HORMAD2: variants seen among roughly 807,000 people sequenced by gnomAD.
HORMAD2 encodes the protein HORMA domain containing 2, also known as HORMA domain-containing protein 2.
A neutral mutation model predicts 38.8 loss-of-function variants in HORMAD2; 45 were observed. The ratio of observed to expected loss-of-function variants is 1.16; its 90% CI spans 0.91 to 1.49. The LOEUF is 1.49. Ranked by LOEUF, HORMAD2 falls within the 40% of genes most tolerant of loss-of-function variation. The probability of loss-of-function intolerance (pLI) is 0.00; values close to 1 mark genes in which losing one functional copy is unlikely to be tolerated. For synonymous variants in HORMAD2, 126 were observed against 122.8 expected (o/e 1.03, Z -0.17); for missense variants, 338 against 367.0 (o/e 0.92, Z 0.65).
At chr22:30,182,896 G>A in the HORMAD2 span, among the ~76,000 whole-genome samples, 1 of 152,112 alleles carries the variant, frequency 6.6e-6, no homozygotes, top group Admixed American at 6.6e-5. Flanking sequence ...AGGAACAAAA[G>A]GATATATAAA....
the HORMAD2 span, among the ~76,000 whole-genome samples, chr22:30,194,211 T>C: frequency 6.6e-6 from 1 of 152,200 alleles, no homozygotes; most frequent in Non-Finnish European, 1.5e-5. Flanking sequence ...TTTAGAGCGT[T>C]GCATTTAGTC....
At chr22:30,182,702 G>T in the HORMAD2 span, among the ~76,000 whole-genome samples, 6 of 152,326 alleles carry the variant, frequency 3.9e-5, no homozygotes, top group Middle Eastern at 3.4e-3. Context: ...GAGGCGGGAG[G>T]ATTGCTTGAG....
At chr22:30,117,117 A>C (rs1342677688) in intron 7 of HORMAD2, among the ~76,000 whole-genome samples, 1 of 152,222 alleles carries the variant, frequency 6.6e-6, no homozygotes, top group Non-Finnish European at 1.5e-5. Context: ...ATCTCCTTAG[A>C]GTTTAAGCAT....
the HORMAD2 span, among the ~76,000 whole-genome samples, chr22:30,193,139 C>A: frequency 1.3e-5 from 2 of 152,084 alleles, no homozygotes; most frequent in East Asian, 3.9e-4. Flanking sequence ...ATCAACTTCT[C>A]AAAAAGCAGA....
chr22:30,182,923 A>G, the HORMAD2 span, among the ~76,000 whole-genome samples: 3 of 152,128 alleles, frequency 2.0e-5, no homozygotes, highest in Non-Finnish European at 4.4e-5. Context: ...CCTCCCTCCC[A>G]CCCAGTCCCT....
chr22:30,171,021 C>A (rs1926078011), intron 10 of HORMAD2, among the ~76,000 whole-genome samples: 1 of 152,162 alleles, frequency 6.6e-6, no homozygotes. Context: ...AACCCCCTTC[C>A]CCTGACTTTC....
In HORMAD2 at chr22:30,098,850, A is replaced by G. The variant is rs1601513549; in HGVS notation, c.52-2A>G. Reference sequence around the variant, plus strand: ...CTTTTTTCACCTCCGTTGTTTTTCCAGGAAACAGTTTTCCCATCCCAAATC... The same window carrying G: ...CTTTTTTCACCTCCGTTGTTTTTCCGGGAAACAGTTTTCCCATCCCAAATC... On this transcript the variant is annotated splice_acceptor_variant, in intron 2 of 10. Transcript: ENST00000336726. LOFTEE classifies it high-confidence loss of function. The G allele has an allele frequency of 1.2e-6, 2 of 1,607,564 alleles. No homozygotes were observed. The highest frequency in any genetic ancestry group is 8.5e-7 in the Non-Finnish European group (1 of 1,177,502).
At chr22:30,115,439 C>A (rs903719714) in intron 7 of HORMAD2, among the ~76,000 whole-genome samples, 1 of 152,178 alleles carries the variant, frequency 6.6e-6, no homozygotes, top group African/African-American at 2.4e-5. Flanking sequence ...GCCTCATAAA[C>A]TTAACTATAA....
At chr22:30,165,994 CT>C (rs1925757052) in intron 10 of HORMAD2, among the ~76,000 whole-genome samples, 1 of 148,400 alleles carries the variant, frequency 6.7e-6, no homozygotes, top group Non-Finnish European at 1.5e-5. Context: ...CATTCTTCTT[CT>C]TTTTTTATTC....
At chr22:30,152,929 C>T (rs1186367275) in intron 10 of HORMAD2, among the ~76,000 whole-genome samples, 1 of 152,126 alleles carries the variant, frequency 6.6e-6, no homozygotes, top group East Asian at 1.9e-4. Context: ...CTGATCATCC[C>T]CAAGAGCTCC....
chr22:30,172,849 C>T (rs929538113), intron 10 of HORMAD2, among the ~76,000 whole-genome samples: 1 of 151,110 alleles, frequency 6.6e-6, no homozygotes, highest in African/African-American at 2.4e-5. Context: ...GGTTGCACCA[C>T]TGTACTCTAG....
chr22:30,143,563 T>C (rs550247250), intron 10 of HORMAD2, among the ~76,000 whole-genome samples: 3 of 152,338 alleles, frequency 2.0e-5, no homozygotes, highest in African/African-American at 7.2e-5. Context: ...GTTCCTTTGT[T>C]AGCAATGAGT....
At chr22:30,087,522 A>C in intron 1 of HORMAD2, among the ~76,000 whole-genome samples, 1 of 152,172 alleles carries the variant, frequency 6.6e-6, no homozygotes, top group Non-Finnish European at 1.5e-5. Flanking sequence ...CTGTTCTTGC[A>C]TTGCTATAAA....
intron 10 of HORMAD2, among the ~76,000 whole-genome samples, chr22:30,171,698 A>G (rs903383525): frequency 6.6e-6 from 1 of 152,142 alleles, no homozygotes; most frequent in African/African-American, 2.4e-5. Context: ...AGTGATACAA[A>G]TGTAACCAAG....
chr22:30,198,637 C>G, the HORMAD2 span, among the ~76,000 whole-genome samples: 1 of 152,120 alleles, frequency 6.6e-6, no homozygotes, highest in Non-Finnish European at 1.5e-5. Flanking sequence ...TTTGCCAGCT[C>G]CTTGCACAAT....
the HORMAD2 span, among the ~76,000 whole-genome samples, chr22:30,206,612 A>G: frequency 4.0e-5 from 6 of 151,710 alleles, no homozygotes; most frequent in African/African-American, 1.5e-4. Context: ...CCTACCAGGA[A>G]CTGGAACTAC....
intron 10 of HORMAD2, among the ~76,000 whole-genome samples, chr22:30,159,285 T>G (rs937045809): frequency 1.3e-5 from 2 of 152,214 alleles, no homozygotes; most frequent in Non-Finnish European, 2.9e-5. Flanking sequence ...GAACTAGCCC[T>G]ACATTTCTAA....
chr22:30,195,578 C>T, the HORMAD2 span, among the ~76,000 whole-genome samples: 1 of 152,180 alleles, frequency 6.6e-6, no homozygotes, highest in Non-Finnish European at 1.5e-5. Flanking sequence ...AGGAATGTCC[C>T]CCACATACCA....
chr22:30,139,003 G>C (rs1923863664), intron 10 of HORMAD2, among the ~76,000 whole-genome samples: 2 of 123,314 alleles, frequency 1.6e-5, no homozygotes, highest in African/African-American at 6.1e-5. Flanking sequence ...TTTGTTGAAG[G>C]CCTGAATAGA....
Sources: allele counts gnomAD v4.1 joint callset (sites outside exome capture counted in the v4.1 genomes callset), GRCh38; gene constraint gnomAD v4.1.1; transcripts MANE v1.5; gene names NCBI Gene and HGNC (gene_info 2026-07-23, HGNC 2026-07-21).